MDN1: variants seen among roughly 807,000 people sequenced by gnomAD.
The protein encoded by MDN1 is midasin.
MDN1 carries 266 observed loss-of-function variants against 669.2 expected under a neutral mutation model. The ratio of observed to expected loss-of-function variants is 0.40; its 90% CI spans 0.36 to 0.44. The LOEUF is 0.44. MDN1 is among the 20% of genes least tolerant of loss of function. The probability of loss-of-function intolerance (pLI) is 1.00; values close to 1 mark genes in which losing one functional copy is unlikely to be tolerated. For missense variants in MDN1, 5,940 were observed against 6,754.0 expected, an observed-to-expected ratio of 0.88 and a Z score of 4.22; for synonymous variants, 2,385 against 2,457.1, an observed-to-expected ratio of 0.97 and a Z score of 0.87.
chr6:89,694,451 C>T (rs75435309), intron 61 of MDN1, among the ~76,000 whole-genome samples: 1 of 152,236 alleles, frequency 6.6e-6, no homozygotes, highest in Admixed American at 6.5e-5. Flanking sequence ...TTTCCTTCTT[C>T]AAAATATGTA....
chr6:89,677,372 T>C (rs544856316), intron 76 of MDN1, among the ~76,000 whole-genome samples, 198 bp downstream of exon 76: 12 of 152,190 alleles, frequency 7.9e-5, no homozygotes, highest in African/African-American at 2.6e-4. Flanking sequence ...GGGATTACAG[T>C]CATGAACCAC....
chr6:89,743,215 C>T lies in MDN1; in HGVS notation c.4383G>A (p.Glu1461=), dbSNP rs761009558. The stretch of plus-strand genomic sequence containing the variant: ...TCTCATCCAAGAGGAAAAAGCCGTC[C>T]TCCTTCATGGCCTGAACCAGAGGCC... ...HDGPLVQAMK[E]DGFFLLDEIS... The change falls in exon 31 of 102, where the codon GAG becomes GAA. Residue 1461 remains glutamate (E), a synonymous_variant. Transcript: ENST00000369393. The T allele has an allele frequency of 1.9e-6, 3 of 1,614,044 alleles. No individual in the cohort carries two copies. The highest frequency in any genetic ancestry group is 2.2e-5 in the South Asian group (2 of 91,088).
intron 2 of MDN1, among the ~76,000 whole-genome samples, chr6:89,796,041 A>G (rs1819574731): frequency 6.6e-6 from 1 of 151,878 alleles, no homozygotes; most frequent in South Asian, 2.1e-4. Flanking sequence ...AACTTTGAAC[A>G]TGGCCAGGCA....
intron 73 of MDN1, among the ~76,000 whole-genome samples, chr6:89,682,123 A>G (rs1358669171): frequency 6.6e-6 from 1 of 152,208 alleles, no homozygotes; most frequent in East Asian, 1.9e-4. Context: ...AATTGGCCAT[A>G]ATAGGAGTAT....
At chr6:89,662,057 G>C in intron 87 of MDN1, 30 bp downstream of exon 87, 2 of 1,596,364 alleles carry the variant, frequency 1.3e-6, no homozygotes, top group Non-Finnish European at 1.7e-6. Context: ...CTTGAGTCAA[G>C]AGAGCGGATC....
rs982017845 is a variant in MDN1, at chr6:89,664,444, T to A, written c.14236+43A>T. On this transcript the variant is annotated intron_variant, in intron 85 of 101. Coordinates refer to ENST00000369393, the MANE Select transcript of MDN1 (RefSeq NM_014611.3). ...CATGTAATTTCCTGGATAAAATATT[T>A]ATGCTTTCAAAAACAAGAATGAAGT... is the stretch of plus-strand genomic sequence containing the variant. 1.9e-6 allele frequency: 3 copies of A among 1,605,012 alleles called. No homozygotes were observed. In the African/African-American group the frequency reaches 4.0e-5, roughly 22 times the overall value.
At chr6:89,731,331 T>C (rs1815578747) in intron 34 of MDN1, among the ~76,000 whole-genome samples, 1 of 152,224 alleles carries the variant, frequency 6.6e-6, no homozygotes, top group Non-Finnish European at 1.5e-5. Context: ...CCAGTGCTTC[T>C]ATTCACAATA....
At chr6:89,746,611 A>AAAAAAG (rs1554191094) in intron 27 of MDN1, among the ~76,000 whole-genome samples, 1 of 40,530 alleles carries the variant, frequency 2.5e-5, no homozygotes, top group Admixed American at 2.8e-4. Context: ...AAAAAAAAAA[A>AAAAAAG]AAAGAAAGAA....
chr6:89,725,930 TACAC>T (rs71024397), intron 37 of MDN1, among the ~76,000 whole-genome samples: 8,712 of 147,492 alleles, frequency 0.059, 587 homozygotes, highest in African/African-American at 0.16. Context: ...TGGTATTTTA[TACAC>T]ACACACACAC....
intron 40 of MDN1, among the ~76,000 whole-genome samples, chr6:89,720,253 C>T (rs1814720038): frequency 6.6e-6 from 1 of 151,968 alleles, no homozygotes; most frequent in South Asian, 2.1e-4. Flanking sequence ...ATATAATCTC[C>T]AACCCCTGAT....
At chr6:89,798,476 C>T (rs973094609) in intron 2 of MDN1, among the ~76,000 whole-genome samples, 9 of 150,328 alleles carry the variant, frequency 6.0e-5, no homozygotes, top group South Asian at 2.1e-4. Context: ...CATTCCGGCC[C>T]GGGCAACAAG....
rs779474396 is a variant in MDN1 at position 89,743,660 on chromosome 6, T to A, written c.4233A>T (p.Leu1411Phe). The A allele has an allele frequency of 6.2e-7, 1 of 1,614,138 alleles. No individual in the cohort carries two copies. ...TGTGTAAGTGGCAGCTGACAGAGTA[T>A]AATTTCTGATTTGCCAAGGCTGCAA... ...QVFAALANQK[L>F]YSVSCHLHME... Residue 1411 changes from leucine (L) to phenylalanine (F), a missense_variant, in exon 30 of 102, where the codon TTA becomes TTT. Physicochemically the swap from Leu to Phe is conservative, Grantham distance 22. This residue lies in a region of MDN1 where 2,292 missense variants were observed against 2,638.3 expected (regional missense o/e 0.87). Coordinates refer to ENST00000369393, the MANE Select transcript of MDN1 (RefSeq NM_014611.3).
At chr6:89,792,816 G>C (rs758705270) in intron 5 of MDN1, among the ~76,000 whole-genome samples, 1 of 151,812 alleles carries the variant, frequency 6.6e-6, no homozygotes, top group Admixed American at 6.6e-5. Flanking sequence ...TCAGGCATTC[G>C]AGACCAGGCT....
At chr6:89,761,334 C>T (rs1015244668) in intron 17 of MDN1, among the ~76,000 whole-genome samples, 7 of 152,232 alleles carry the variant, frequency 4.6e-5, no homozygotes, top group African/African-American at 1.7e-4. Context: ...CTACAAAAAA[C>T]GGTATTTGAG....
At chr6:89,721,214 C>T (rs938752089) in intron 40 of MDN1, among the ~76,000 whole-genome samples, 1 of 152,182 alleles carries the variant, frequency 6.6e-6, no homozygotes, top group Admixed American at 6.5e-5. Context: ...TGCAGTGTGG[C>T]TCTGGATAGC....
At chr6:89,756,948 GAATT>G (rs1033459441) in intron 19 of MDN1, among the ~76,000 whole-genome samples, 6 of 150,794 alleles carry the variant, frequency 4.0e-5, no homozygotes, top group African/African-American at 1.5e-4. Context: ...ACAAAAATAA[GAATT>G]AATTATCCTC....
intron 29 of MDN1, among the ~76,000 whole-genome samples, chr6:89,744,017 C>CTT (rs1816434327): frequency 6.7e-6 from 1 of 150,254 alleles, no homozygotes; most frequent in African/African-American, 2.4e-5. Context: ...GCAGGAGAAT[C>CTT]ACTTGAACCT....
Position 89,647,712 on chromosome 6 carries a change from C to T in MDN1, c.16395+320G>A, listed in dbSNP as rs368098622. ...CAGCATGGTGGTAATCCCAACACTT[C>T]GGGAGGCCAAGAAGGGAGGATCACT... On this transcript the variant is annotated intron_variant, in intron 99 of 101. Coordinates refer to ENST00000369393, the MANE Select transcript of MDN1 (RefSeq NM_014611.3). Among the ~76,000 whole-genome samples, 117 of 152,168 alleles carry T rather than the reference C, an allele frequency of 7.7e-4. 1 individual carries two copies. The South Asian group carries it at 0.011, about 14-fold the overall frequency.
At chr6:89,699,896 T>TAA (rs200445217) in intron 57 of MDN1, among the ~76,000 whole-genome samples, 167 bp downstream of exon 57, 43 of 145,688 alleles carry the variant, frequency 3.0e-4, no homozygotes, top group Non-Finnish European at 4.9e-4. Flanking sequence ...TCAAAACTAG[T>TAA]AAAAAAAAAA....
Sources: gnomAD v4.1 joint callset for allele counts (sites outside exome capture counted in the v4.1 genomes callset) on GRCh38, gnomAD v4.1.1 for gene constraint, gnomAD v4.1.1 regional missense constraint, MANE v1.5 for transcripts, NCBI Gene and HGNC (gene_info 2026-07-23, HGNC 2026-07-21) for gene names.